The following SHROOM4 variants were observed in gnomAD, a reference collection of about 807,000 sequenced individuals.
SHROOM4 encodes the protein shroom family member 4, also known as protein Shroom4.
SHROOM4 carries 17 observed loss-of-function variants against 80.3 expected under a neutral mutation model. That is an observed-to-expected ratio of 0.21 (90% confidence interval 0.14 to 0.32). The LOEUF (loss-of-function observed/expected upper bound fraction) is 0.32. Among genes scored for constraint, SHROOM4 ranks in the 10% least tolerant of loss-of-function variants. SHROOM4 has a pLI of 1.00. For missense variants in SHROOM4, 993 were observed against 1,140.3 expected (o/e 0.87, Z 1.86); for synonymous variants, 400 against 437.5 (o/e 0.91, Z 1.07).
chrX:50,586,027 A>ACTCT (rs377760340), downstream of SHROOM4, among the ~76,000 whole-genome samples: 3 of 111,211 alleles, frequency 2.7e-5, no homozygotes, highest in African/African-American at 9.8e-5. Context: ...GCCTCTCCTC[A>ACTCT]CTCTTACCAC....
intron 2 of SHROOM4, among the ~76,000 whole-genome samples, chrX:50,648,396 T>G (rs1931919855): frequency 8.9e-6 from 1 of 112,243 alleles, no homozygotes; most frequent in South Asian, 3.8e-4. Flanking sequence ...ACTATTGTTT[T>G]GTCCAAGCAT....
At chrX:50,662,779 C>T (rs1174599971) in intron 2 of SHROOM4, among the ~76,000 whole-genome samples, 1 of 111,159 alleles carries the variant, frequency 9.0e-6, no homozygotes, top group African/African-American at 3.3e-5. Context: ...TAAAAACTTA[C>T]TGAAAAATTG....
chrX:50,651,557 C>T (rs1569547081), intron 2 of SHROOM4, among the ~76,000 whole-genome samples: 1 of 111,757 alleles, frequency 8.9e-6, no homozygotes, highest in East Asian at 2.8e-4. Flanking sequence ...ATCAGAAACT[C>T]TGGGGGTGGG....
intron 1 of SHROOM4, among the ~76,000 whole-genome samples, chrX:50,704,588 G>C (rs1933607996): frequency 9.0e-6 from 1 of 111,581 alleles, no homozygotes; most frequent in East Asian, 2.8e-4. Context: ...AAAAGCCAAA[G>C]ACAGTTTCTA....
rs1054864323 is a variant in SHROOM4 at position 50,606,145 on chromosome X, T to C, written c.3761+1236A>G. On this transcript the variant is annotated intron_variant, in intron 6 of 8. Transcript: ENST00000376020. ...GTGCACATTGTGCAGGTTAGTTACA[T>C]ATGTATACATGTGCCATGCTGGTGC... is the stretch of plus-strand genomic sequence containing the variant. Among the ~76,000 whole-genome samples, 25 of 108,270 alleles carry C rather than the reference T, an allele frequency of 2.3e-4. No homozygotes were observed. The Middle Eastern group carries it at 0.014, about 62-fold the overall frequency. The allele number at this position is 108,270 out of a possible 115,157, so 94.0% of individuals were successfully genotyped here.
intron 5 of SHROOM4, among the ~76,000 whole-genome samples, chrX:50,622,884 T>C (rs1333351724): frequency 8.9e-6 from 1 of 112,565 alleles, no homozygotes; most frequent in African/African-American, 3.2e-5. Context: ...TTCAGTTTTC[T>C]AGATTCTGAC....
chrX:50,669,867 C>T (rs1602420555), intron 2 of SHROOM4, among the ~76,000 whole-genome samples: 1 of 111,539 alleles, frequency 9.0e-6, no homozygotes, highest in African/African-American at 3.3e-5. Context: ...TTCCTACCAC[C>T]TTTGCAGTTA....
At chrX:50,632,217 T>C in intron 4 of SHROOM4, among the ~76,000 whole-genome samples, 1 of 112,451 alleles carries the variant, frequency 8.9e-6, no homozygotes, top group Non-Finnish European at 1.9e-5. Flanking sequence ...TTTTAGAATT[T>C]CATATAAAAG....
At chrX:50,694,781 TA>T (rs1366566053) in intron 2 of SHROOM4, among the ~76,000 whole-genome samples, 1 of 108,486 alleles carries the variant, frequency 9.2e-6, no homozygotes, top group African/African-American at 3.4e-5. Context: ...GGTGGAAAGC[TA>T]AATGGCAGGT....
the SHROOM4 span, among the ~76,000 whole-genome samples, chrX:50,580,850 C>T: frequency 8.9e-6 from 1 of 112,143 alleles, no homozygotes; most frequent in South Asian, 3.7e-4. Flanking sequence ...AGGTTATTTC[C>T]AAATTTTCAC....
chrX:50,732,456 A>G (rs1317168419), intron 1 of SHROOM4, among the ~76,000 whole-genome samples: 5 of 112,067 alleles, frequency 4.5e-5, no homozygotes, highest in African/African-American at 1.6e-4. Context: ...TTAATAAAAC[A>G]GAGAATGGAA....
At chrX:50,716,068 T>C (rs1252455343) in intron 1 of SHROOM4, among the ~76,000 whole-genome samples, 3 of 109,917 alleles carry the variant, frequency 2.7e-5, no homozygotes, top group African/African-American at 1.0e-4. Context: ...TAGATGAACC[T>C]GGAGGACATT....
At chrX:50,706,797 C>G (rs782156107) in intron 1 of SHROOM4, among the ~76,000 whole-genome samples, 1 of 111,768 alleles carries the variant, frequency 8.9e-6, no homozygotes, top group Admixed American at 9.5e-5. Context: ...CCATTTGTCA[C>G]GAGGTGCCCC....
rs1420315957 is a variant in SHROOM4 at position 50,591,508 on chromosome X, G to A, written c.*5187C>T. 1 of 216,924 alleles carries A rather than the reference G, an allele frequency of 4.6e-6. No individual in the cohort carries two copies. Among genetic ancestry groups the A allele is most frequent in the Admixed American group, 7.1e-5 (1 of 14,014 alleles). 17.9% of individuals were successfully genotyped at this position (216,924 alleles called of 1,213,427 possible). On this transcript the variant is annotated 3_prime_UTR_variant, in exon 9 of 9. Coordinates refer to ENST00000376020, the MANE Select transcript of SHROOM4 (RefSeq NM_020717.5). ...GCACATTTCATCTTAACAATACTAA[G>A]TCTTCCAATCCATGAACATGGAGTG...
At chrX:50,808,794 A>T (rs1418112646) in intron 1 of SHROOM4, among the ~76,000 whole-genome samples, 1 of 110,589 alleles carries the variant, frequency 9.0e-6, no homozygotes, top group Non-Finnish European at 1.9e-5. Context: ...AATGGAGTTG[A>T]ATTATTTTCT....
intron 2 of SHROOM4, among the ~76,000 whole-genome samples, chrX:50,662,500 CA>C (rs34755565): frequency 0.029 from 2,730 of 92,879 alleles, 88 homozygotes; most frequent in African/African-American, 0.1. Flanking sequence ...GACTCCATCT[CA>C]AAAAAAAAAA....
intron 2 of SHROOM4, among the ~76,000 whole-genome samples, chrX:50,669,651 A>G (rs1557260640): frequency 8.9e-6 from 1 of 112,079 alleles, no homozygotes; most frequent in Non-Finnish European, 1.9e-5. Flanking sequence ...CCACTATTTT[A>G]TCAACTAAGT....
At chrX:50,702,555 C>T (rs1385270000) in intron 1 of SHROOM4, among the ~76,000 whole-genome samples, 2 of 111,326 alleles carry the variant, frequency 1.8e-5, no homozygotes, top group Non-Finnish European at 3.8e-5. Context: ...ACAAAAACAA[C>T]ACATACTGTA....
rs782307498 is a variant in SHROOM4 at position 50,773,327 on chromosome X, T to C, written c.117+40575A>G. On this transcript the variant is annotated intron_variant, in intron 1 of 8. Coordinates refer to ENST00000376020, the MANE Select transcript of SHROOM4 (RefSeq NM_020717.5). The stretch of plus-strand genomic sequence containing the variant: ...TAATATGAAATCAAAATGAAACAAA[T>C]CAACAAACAAAGCATCTAGAATTCT... Among the ~76,000 whole-genome samples, 3 of 112,007 alleles carry C rather than the reference T, an allele frequency of 2.7e-5. No individual in the cohort carries two copies. In the South Asian group the frequency reaches 1.1e-3, roughly 42 times the overall value.
Sources: allele counts gnomAD v4.1 joint callset (sites outside exome capture counted in the v4.1 genomes callset), GRCh38; gene constraint gnomAD v4.1.1; transcripts MANE v1.5; gene names NCBI Gene and HGNC (gene_info 2026-07-23, HGNC 2026-07-21).